The following FAT1 variants were observed in gnomAD, a reference collection of about 807,000 sequenced individuals.
FAT1 encodes protocadherin Fat 1.
A neutral mutation model predicts 329.8 loss-of-function variants in FAT1; 171 were observed. The ratio of observed to expected loss-of-function variants is 0.52; its 90% confidence interval spans 0.46 to 0.59. FAT1 has a LOEUF of 0.59. FAT1 is among the 20% of genes least tolerant of loss of function. The probability of loss-of-function intolerance (pLI) is 0.00; values close to 1 mark genes in which losing one functional copy is unlikely to be tolerated. For missense variants in FAT1, 5,672 were observed against 5,774.4 expected (o/e 0.98, Z 0.57); for synonymous variants, 2,233 against 2,228.6 (o/e 1.00, Z -0.06).
intron 5 of FAT1, 23 bp from the exon 6 acceptor site, chr4:186,636,258 A>G (rs1683010176): frequency 6.2e-7 from 1 of 1,606,054 alleles, no homozygotes; most frequent in Non-Finnish European, 8.5e-7. Flanking sequence ...GGCAGAGGGG[A>G]TTAAAAACAG....
chr4:186,607,889 A>G (rs547033676), intron 16 of FAT1, among the ~76,000 whole-genome samples: 1 of 147,634 alleles, frequency 6.8e-6, no homozygotes, highest in African/African-American at 2.5e-5. Context: ...ACTTCTATCA[A>G]CATCTCCAAC....
chr4:186,672,363 A>G (rs1030884701), intron 2 of FAT1, among the ~76,000 whole-genome samples: 6 of 152,218 alleles, frequency 3.9e-5, no homozygotes, highest in Admixed American at 3.3e-4. Flanking sequence ...AGTGTACCGT[A>G]CAGGTGCCTC....
intron 16 of FAT1, among the ~76,000 whole-genome samples, chr4:186,608,121 C>T (rs1739232321): frequency 6.6e-6 from 1 of 152,190 alleles, no homozygotes; most frequent in South Asian, 2.1e-4. Context: ...ATCAGGCTGC[C>T]TCTGACACCA....
intron 14 of FAT1, among the ~76,000 whole-genome samples, chr4:186,610,814 C>T (rs1292200566): frequency 6.6e-6 from 1 of 150,690 alleles, no homozygotes; most frequent in Non-Finnish European, 1.5e-5. Context: ...TTTTAGGCCA[C>T]AGGTTAGCAA....
At position 186,639,550 on chromosome 4, in the gene FAT1, C is replaced by T. The variant is rs368916165; in HGVS notation, c.3642+172G>A. 1.4e-3 allele frequency among the ~76,000 whole-genome samples: 213 copies of T among 152,246 alleles called. 5 individuals carry two copies. In the South Asian group the frequency reaches 0.034, roughly 24 times the overall value. On this transcript the variant is annotated intron_variant, in intron 4 of 26. Coordinates refer to ENST00000441802, the MANE Select transcript of FAT1 (RefSeq NM_005245.4). ...TATTGAGGGATAAAGGGGACAAGAGCTATATTCATTAACAATTTCCTTATA... is the reference window on the plus strand; with the variant it reads ...TATTGAGGGATAAAGGGGACAAGAGTTATATTCATTAACAATTTCCTTATA...
In FAT1 at chr4:186,636,764, T is replaced by G. The variant is rs1579365187; in HGVS notation, c.3793A>C (p.Asn1265His). The part of the protein sequence containing the change: ...PEREKPDRER[N>H]ARREPLYHVI... The stretch of plus-strand genomic sequence containing the variant: ...TGATAGAGCGGCTCCCGTCTGGCAT[T>G]TCTTTCTCGGTCTGGCTTTTCCCGC... Residue 1265 changes from asparagine to histidine, a missense_variant, in exon 5 of 27, where the codon AAT (asparagine) becomes CAT (histidine). By Grantham distance (68) the Asn-to-His change is moderately conservative. Coordinates refer to ENST00000441802, the MANE Select transcript of FAT1 (RefSeq NM_005245.4). The G allele has an allele frequency of 1.2e-6, 2 of 1,614,018 alleles. No individual in the cohort carries two copies. The highest frequency in any genetic ancestry group is 2.2e-5 in the East Asian group (1 of 44,870).
rs926308890 is a variant in FAT1 at position 186,604,695 on chromosome 4, T to C, written c.10351-121A>G. On this transcript the variant is annotated intron_variant, in intron 17 of 26. Coordinates refer to ENST00000441802, the MANE Select transcript of FAT1 (RefSeq NM_005245.4). ...TACAAAACAAAGCCTTTCTGCTCTA[T>C]CTGAAAGGAAGAGAAGAAAGGTGGA... is the stretch of plus-strand genomic sequence containing the variant. 1.5e-5 allele frequency: 9 copies of C among 618,524 alleles called. No homozygotes were observed. In the African/African-American group the frequency reaches 1.7e-4, roughly 12 times the overall value. The allele number at this position is 618,524 out of a possible 1,614,324, so 38.3% of individuals were successfully genotyped here. A position where few individuals can be genotyped will look rare whatever the true frequency, so the allele number is the denominator to read the frequency against.
At position 186,708,526 on chromosome 4, in the gene FAT1, A is replaced by C; in HGVS notation, c.1302T>G (p.Phe434Leu). The C allele has an allele frequency of 6.2e-7, 1 of 1,614,026 alleles. No individual in the cohort carries two copies. The highest frequency in any genetic ancestry group is 1.3e-5 in the African/African-American group (1 of 75,058). ...TGTCACTTGTTGTTACTTCAAGTTC[A>C]AAATGGGCTGCCTGCTGTCTTTTAA... ...EPVKRQQAAH[F>L]ELEVTTSDRK... The change falls in exon 2 of 27, where the codon TTT becomes TTG. Residue 434 changes from phenylalanine to leucine, a missense_variant. By Grantham distance (22) the Phe-to-Leu change is conservative. This residue lies in a region of FAT1 where 3,966 missense variants were observed against 3,915.2 expected (regional missense o/e 1.01). Coordinates refer to ENST00000441802, the MANE Select transcript of FAT1 (RefSeq NM_005245.4).
Position 186,708,197 on chromosome 4 carries a change from C to T in FAT1, c.1631G>A (p.Gly544Asp), listed in dbSNP as rs2126694586. The change falls in exon 2 of 27, where the codon GGC becomes GAC. Residue 544 changes from glycine to aspartate, a missense_variant. Physicochemically the swap from Gly to Asp is moderately conservative, Grantham distance 94. Coordinates refer to ENST00000441802, the MANE Select transcript of FAT1 (RefSeq NM_005245.4). ...TTCGACTTCCCGGCGGTACGGCAAG[C>T]CCCAGTCTGATGCACGAATCCTCAG... is the stretch of plus-strand genomic sequence containing the variant. ...YTLRIRASDW[G>D]LPYRREVEVL... is the part of the protein sequence containing the mutation. 1 of 1,613,974 alleles carries T rather than the reference C, an allele frequency of 6.2e-7. No individual in the cohort carries two copies. Among genetic ancestry groups the T allele is most frequent in the Non-Finnish European group, 8.5e-7 (1 of 1,179,892 alleles).
At chr4:186,597,574 T>G (rs1310812565) in intron 24 of FAT1, 108 bp downstream of exon 24, 2 of 741,940 alleles carry the variant, frequency 2.7e-6, no homozygotes, top group Non-Finnish European at 4.6e-6. Flanking sequence ...ATGAGGATTA[T>G]CAAAATCTGA....
rs2126697616 is a variant in FAT1 at position 186,708,595 on chromosome 4, G to C, written c.1233C>G (p.Phe411Leu). ...TGAGACCAGTGTTGTAATTTAAACT[G>C]AATTTAGCTTTTCCAGGTGTACTTT... The part of the protein sequence containing the change: ...VFKSTPGKAK[F>L]SLNYNTGLIS... The change falls in exon 2 of 27, where the codon TTC (phenylalanine) becomes TTG (leucine). Residue 411 changes from phenylalanine to leucine, a missense_variant. Transcript: ENST00000441802. The C allele has an allele frequency of 6.2e-7, 1 of 1,613,948 alleles. No homozygotes were observed. The highest frequency in any genetic ancestry group is 1.1e-5 in the South Asian group (1 of 91,076).
chr4:186,719,430 G>C (rs1482002827), intron 1 of FAT1, among the ~76,000 whole-genome samples: 1 of 152,088 alleles, frequency 6.6e-6, no homozygotes, highest in Non-Finnish European at 1.5e-5. Context: ...TCTCAGATTT[G>C]GGTATAAAAT....
intron 2 of FAT1, among the ~76,000 whole-genome samples, chr4:186,680,569 C>T (rs1221725541): frequency 6.6e-6 from 1 of 152,170 alleles, no homozygotes; most frequent in Non-Finnish European, 1.5e-5. Context: ...TACATGAACA[C>T]TACCTCATAA....
At chr4:186,590,656 C>T (rs368453732) in intron 26 of FAT1, 27 of 456,188 alleles carry the variant, frequency 5.9e-5, no homozygotes, top group African/African-American at 5.0e-4. Flanking sequence ...CCAGAAAACT[C>T]AAATATTACT....
intron 3 of FAT1, among the ~76,000 whole-genome samples, chr4:186,647,627 G>C (rs1389961354): frequency 6.6e-6 from 1 of 152,140 alleles, no homozygotes; most frequent in African/African-American, 2.4e-5. Context: ...TCACGATGTT[G>C]TATTAATCAT....
In FAT1 at chr4:186,605,048, G is replaced by A. The variant is rs555837827; in HGVS notation, c.10351-474C>T. Among the ~76,000 whole-genome samples, 393 of 151,730 alleles carry A rather than the reference G, an allele frequency of 2.6e-3. 2 individuals carry two copies. Among genetic ancestry groups the A allele is most frequent in the Non-Finnish European group, 4.2e-3 (285 of 67,880 alleles). On this transcript the variant is annotated intron_variant, in intron 17 of 26. Transcript: ENST00000441802. ...AGCCTGGCCAACGTGGTGAAACCCC[G>A]TCTCTACTAAAAATACAAAAATTAG...
At chr4:186,605,355 T>C (rs1240206861) in intron 17 of FAT1, among the ~76,000 whole-genome samples, 1 of 71,330 alleles carries the variant, frequency 1.4e-5, no homozygotes, top group Non-Finnish European at 2.7e-5. Flanking sequence ...TGAGGAGGAG[T>C]GGCGACGAGG....
Position 186,619,596 on chromosome 4 carries a change from A to C in FAT1, c.6990T>G (p.His2330Gln), listed in dbSNP as rs1739923028. Residue 2330 changes from histidine to glutamine, a missense_variant, in exon 10 of 27, where the codon CAT becomes CAG. Physicochemically the swap from His to Gln is conservative, Grantham distance 24. Transcript: ENST00000441802. The stretch of plus-strand genomic sequence containing the variant: ...TGCTGCTGTCTACATGAAAATGATC[A>C]TGACTCTTGCTGTGATTCCCAAACA... Reference protein sequence around the residue: ...YQMFGNHSKSHDHFHVDSSTG... With the variant: ...YQMFGNHSKSQDHFHVDSSTG... 1.2e-6 allele frequency: 2 copies of C among 1,613,930 alleles called. No homozygotes were observed. The highest frequency in any genetic ancestry group is 1.7e-6 in the Non-Finnish European group (2 of 1,179,886).
intron 15 of FAT1, among the ~76,000 whole-genome samples, chr4:186,609,562 G>A (rs1004883383): frequency 7.2e-5 from 11 of 151,934 alleles, no homozygotes; most frequent in African/African-American, 9.7e-5. Flanking sequence ...GACTACAGGC[G>A]CCCGCCACCA....
Sources: gnomAD v4.1 joint callset for allele counts (sites outside exome capture counted in the v4.1 genomes callset) on GRCh38, gnomAD v4.1.1 for gene constraint, gnomAD v4.1.1 regional missense constraint, MANE v1.5 for transcripts, NCBI Gene and HGNC (gene_info 2026-07-23, HGNC 2026-07-21) for gene names.